Variants in NEK7 observed in about 807,000 individuals in gnomAD.
NEK7 encodes NIMA related kinase 7.
A neutral mutation model predicts 44.6 loss-of-function variants in NEK7; 18 were observed. The ratio of observed to expected loss-of-function variants is 0.40; its 90% CI spans 0.28 to 0.60. The LOEUF is 0.60. Ranked by LOEUF, NEK7 falls within the 20% of genes least tolerant of loss-of-function variation. The pLI is 0.38. For synonymous variants in NEK7, 130 were observed against 121.1 expected (o/e 1.07, Z -0.48); for missense variants, 256 against 366.5 (o/e 0.70, Z 2.46).
At chr1:198,159,240 T>G (rs992635039) in intron 1 of NEK7, among the ~76,000 whole-genome samples, 10 of 152,042 alleles carry the variant, frequency 6.6e-5, no homozygotes, top group Non-Finnish European at 1.3e-4. Context: ...CCGCGTTAGT[T>G]CTTTTTCTAG....
chr1:198,232,436 T>C, intron 1 of NEK7, 117 bp from the exon 2 acceptor site: 1 of 564,384 alleles, frequency 1.8e-6, no homozygotes, highest in Non-Finnish European at 3.2e-6. Context: ...TATATCTCAG[T>C]GAATTTTTGA....
At chr1:198,184,399 A>G (rs1471141433) in intron 1 of NEK7, among the ~76,000 whole-genome samples, 1 of 152,200 alleles carries the variant, frequency 6.6e-6, no homozygotes, top group Non-Finnish European at 1.5e-5. Flanking sequence ...TCTGTTTGAC[A>G]GACAAATTTT....
Position 198,210,741 on chromosome 1 carries a change from C to CTTTTTTTTT in NEK7, c.-28-21791_-28-21783dup, listed in dbSNP as rs140181207. 5.4e-4 allele frequency among the ~76,000 whole-genome samples: 31 copies of CTTTTTTTTT among 57,542 alleles called. 4 individuals are homozygous for CTTTTTTTTT. Among genetic ancestry groups the CTTTTTTTTT allele is most frequent in the Admixed American group, 1.1e-3 (5 of 4,692 alleles). 37.7% of individuals were successfully genotyped at this position (57,542 alleles called of 152,430 possible). A position where few individuals can be genotyped will look rare whatever the true frequency, so the allele number is the denominator to read the frequency against. The stretch of plus-strand genomic sequence containing the variant: ...GTCATTGTCCCTTCAATTTGTATTT[C>CTTTTTTTTT]TTTTTTTTTTTTTTTTTTTTTTTTT... On this transcript the variant is annotated intron_variant, in intron 1 of 9. Transcript: ENST00000367385.
chr1:198,264,020 G>A lies in NEK7; in HGVS notation c.262-105G>A, dbSNP rs542342695. On this transcript the variant is annotated intron_variant, in intron 4 of 9. Coordinates refer to ENST00000367385, the MANE Select transcript of NEK7 (RefSeq NM_133494.3). ...AGTATACTGTCATGTTAAGATTTCT[G>A]TAATTTAAAAAATACGGTGAAGTTT... is the stretch of plus-strand genomic sequence containing the variant. 47 of 1,195,660 alleles carry A rather than the reference G, an allele frequency of 3.9e-5. 1 individual carries two copies. In the East Asian group the frequency reaches 8.9e-4, roughly 23 times the overall value. The allele number at this position is 1,195,660 out of a possible 1,614,324, so 74.1% of individuals were successfully genotyped here. A position where few individuals can be genotyped will look rare whatever the true frequency, so the allele number is the denominator to read the frequency against.
At chr1:198,185,190 A>ATTTTTTTT (rs919588030) in intron 1 of NEK7, among the ~76,000 whole-genome samples, 7 of 83,836 alleles carry the variant, frequency 8.3e-5, no homozygotes, top group East Asian at 3.7e-4. Flanking sequence ...CATGCTGTCT[A>ATTTTTTTT]TTTTTTTTTT....
At chr1:198,292,255 G>A (rs577915927) in intron 7 of NEK7, among the ~76,000 whole-genome samples, 1 of 151,938 alleles carries the variant, frequency 6.6e-6, no homozygotes, top group African/African-American at 2.4e-5. Flanking sequence ...AAAAGAAAAA[G>A]TATTAGCACA....
At chr1:198,252,561 TATATATAA>T (rs1339266474) in intron 2 of NEK7, among the ~76,000 whole-genome samples, 9 of 52,080 alleles carry the variant, frequency 1.7e-4, no homozygotes, top group African/African-American at 2.7e-4. Flanking sequence ...TATATATATA[TATATATAA>T]AAAGTACATA....
At chr1:198,204,422 T>C (rs58066755) in intron 1 of NEK7, among the ~76,000 whole-genome samples, 2 of 152,108 alleles carry the variant, frequency 1.3e-5, no homozygotes, top group South Asian at 4.1e-4. Context: ...TTTGTTATTT[T>C]AAAAATGAAA....
At chr1:198,213,507 G>A (rs1665835404) in intron 1 of NEK7, among the ~76,000 whole-genome samples, 1 of 152,104 alleles carries the variant, frequency 6.6e-6, no homozygotes. Flanking sequence ...AGCCTTCCTG[G>A]AACACTTCAG....
At chr1:198,276,640 A>T (rs1325750891) in intron 5 of NEK7, among the ~76,000 whole-genome samples, 3 of 151,704 alleles carry the variant, frequency 2.0e-5, no homozygotes, top group Non-Finnish European at 4.4e-5. Context: ...ATTGTTATTT[A>T]TTCTTTGGGA....
At chr1:198,215,436 C>G (rs1301899804) in intron 1 of NEK7, among the ~76,000 whole-genome samples, 2 of 152,172 alleles carry the variant, frequency 1.3e-5, no homozygotes, top group Non-Finnish European at 2.9e-5. Flanking sequence ...CAGCCCAACA[C>G]AAATTCTTAA....
intron 9 of NEK7, among the ~76,000 whole-genome samples, chr1:198,307,299 A>G (rs1040438324): frequency 6.6e-6 from 1 of 152,124 alleles, no homozygotes; most frequent in South Asian, 2.1e-4. Context: ...AGTGTCTTCA[A>G]CATCAATTTT....
intron 3 of NEK7, among the ~76,000 whole-genome samples, chr1:198,258,749 G>C (rs1050010897): frequency 2.0e-5 from 3 of 152,122 alleles, no homozygotes; most frequent in Non-Finnish European, 2.9e-5. Flanking sequence ...CTCTTACCAA[G>C]TATAAAATGA....
intron 1 of NEK7, among the ~76,000 whole-genome samples, chr1:198,207,857 A>G (rs1665645189): frequency 6.6e-6 from 1 of 152,242 alleles, no homozygotes; most frequent in Non-Finnish European, 1.5e-5. Flanking sequence ...CTAAAAATAA[A>G]TGTTAAAAAG....
intron 1 of NEK7, among the ~76,000 whole-genome samples, chr1:198,212,503 CACTCCTGCCTTAA>C (rs1441782121): frequency 6.6e-6 from 1 of 152,184 alleles, no homozygotes; most frequent in African/African-American, 2.4e-5. Context: ...GAGGCAGCTG[CACTCCTGCCTTAA>C]ACATTACCCC....
At chr1:198,307,536 G>A (rs1291032215) in intron 9 of NEK7, among the ~76,000 whole-genome samples, 1 of 152,040 alleles carries the variant, frequency 6.6e-6, no homozygotes, top group African/African-American at 2.4e-5. Context: ...GAATTTCATA[G>A]GACCCACTAC....
intron 7 of NEK7, among the ~76,000 whole-genome samples, chr1:198,287,019 C>T (rs920153226): frequency 6.6e-5 from 10 of 152,050 alleles, no homozygotes; most frequent in African/African-American, 2.2e-4. Flanking sequence ...TTGCCACTAC[C>T]GTAACATAAA....
chr1:198,212,908 C>A (rs1665817371), intron 1 of NEK7, among the ~76,000 whole-genome samples: 2 of 152,248 alleles, frequency 1.3e-5, no homozygotes, highest in Admixed American at 6.5e-5. Context: ...TTGCCTGAGT[C>A]ATTCTGGCTA....
At chr1:198,311,791 C>T (rs965079223) in intron 9 of NEK7, among the ~76,000 whole-genome samples, 2 of 152,150 alleles carry the variant, frequency 1.3e-5, no homozygotes, top group Non-Finnish European at 2.9e-5. Context: ...ATGAAGCCCA[C>T]TTGATCATGG....
Sources: allele counts gnomAD v4.1 joint callset (sites outside exome capture counted in the v4.1 genomes callset), GRCh38; gene constraint gnomAD v4.1.1; transcripts MANE v1.5; gene names NCBI Gene and HGNC (gene_info 2026-07-23, HGNC 2026-07-21).